Variants in TMEM14A observed in about 807,000 individuals in gnomAD.
TMEM14A encodes transmembrane protein 14A.
In TMEM14A, 8 loss-of-function variants were observed where a neutral mutation model predicts 11.6. The ratio of observed to expected loss-of-function variants is 0.69; its 90% CI spans 0.40 to 1.24. TMEM14A has a LOEUF of 1.24. Among genes scored for constraint, TMEM14A ranks in the 50% most tolerant of loss-of-function variants. The probability of loss-of-function intolerance (pLI) is 0.01; values close to 1 mark genes in which losing one functional copy is unlikely to be tolerated. For synonymous variants in TMEM14A, 34 were observed against 45.5 expected, an observed-to-expected ratio of 0.75 and a Z score of 1.02; for missense variants, 108 against 121.9, an observed-to-expected ratio of 0.89 and a Z score of 0.54.
chr6:52,680,918 TTGTG>T (rs1007437700), intron 2 of TMEM14A, among the ~76,000 whole-genome samples: 1 of 146,666 alleles, frequency 6.8e-6, no homozygotes, highest in Non-Finnish European at 1.5e-5. Flanking sequence ...GTTTGTGTGT[TTGTG>T]TGTGTGTGTG....
intron 2 of TMEM14A, among the ~76,000 whole-genome samples, chr6:52,679,781 C>G (rs1407335321): frequency 6.6e-6 from 1 of 151,372 alleles, no homozygotes; most frequent in Non-Finnish European, 1.5e-5. Flanking sequence ...TGAGCCTGCC[C>G]CTGCTGTTTG....
At chr6:52,681,704 C>G in intron 2 of TMEM14A, 109 bp from the exon 3 acceptor site, 1 of 894,392 alleles carries the variant, frequency 1.1e-6, no homozygotes, top group African/African-American at 1.7e-5. Context: ...AGTTACTGTG[C>G]CCAAGTAGGA....
intron 1 of TMEM14A, among the ~76,000 whole-genome samples, chr6:52,675,038 C>T (rs968881123): frequency 6.6e-6 from 1 of 151,914 alleles, no homozygotes; most frequent in African/African-American, 2.4e-5. Flanking sequence ...CACCATGCCA[C>T]GTCCGGGTAA....
intron 4 of TMEM14A, among the ~76,000 whole-genome samples, chr6:52,685,738 A>C (rs540523289): frequency 6.6e-6 from 1 of 152,270 alleles, no homozygotes; most frequent in South Asian, 2.1e-4. Flanking sequence ...CTAGCTTCTG[A>C]AAGTTTGTTT....
chr6:52,676,919 A>G (rs1225711767), intron 1 of TMEM14A, among the ~76,000 whole-genome samples, 168 bp from the exon 2 acceptor site: 3 of 152,178 alleles, frequency 2.0e-5, no homozygotes, highest in African/African-American at 7.2e-5. Context: ...CACCCCCGTG[A>G]TCCAGTCACC....
chr6:52,675,341 A>G (rs774993873), intron 1 of TMEM14A, among the ~76,000 whole-genome samples: 6 of 152,378 alleles, frequency 3.9e-5, no homozygotes, highest in South Asian at 2.1e-4. Context: ...CTGTGGAAGA[A>G]ATATAGACGT....
rs758417981 is a variant in TMEM14A, at chr6:52,680,691, G to GTGTGTA, written c.71-1121_71-1120insGTGTAT. Among the ~76,000 whole-genome samples, 2 of 35,318 alleles carry GTGTGTA rather than the reference G, an allele frequency of 5.7e-5. 1 individual carries two copies. The highest frequency in any genetic ancestry group is 1.4e-4 in the Non-Finnish European group (2 of 14,632). 23.2% of individuals were successfully genotyped at this position (35,318 alleles called of 152,430 possible). On this transcript the variant is annotated intron_variant, in intron 2 of 4. Coordinates refer to ENST00000211314, the MANE Select transcript of TMEM14A (RefSeq NM_014051.4). Reference sequence around the variant, plus strand: ...TGTGTATATATATATATACATATATGTATATATATATATACACATATATAT... The same window carrying GTGTGTA: ...TGTGTATATATATATATACATATATGTGTGTATATATATATATATACACATATATAT...
chr6:52,677,264 C>T, intron 2 of TMEM14A, 92 bp downstream of exon 2: 1 of 1,361,910 alleles, frequency 7.3e-7, no homozygotes, highest in Non-Finnish European at 1.0e-6. Context: ...GGATGAGAAG[C>T]TAAAGATGCC....
chr6:52,680,704 T>TATATATATATATATATATACATACAC (rs371102796), intron 2 of TMEM14A, among the ~76,000 whole-genome samples: 1 of 51,102 alleles, frequency 2.0e-5, no homozygotes, highest in Non-Finnish European at 4.4e-5. Flanking sequence ...TATATATATA[T>TATATATATATATATATATACATACAC]ACACATATAT....
intron 4 of TMEM14A, among the ~76,000 whole-genome samples, 194 bp downstream of exon 4, chr6:52,684,359 C>T (rs112894222): frequency 7.2e-5 from 11 of 152,274 alleles, no homozygotes; most frequent in Non-Finnish European, 8.8e-5. Context: ...TTATTGGATA[C>T]GCATAGTGTT....
chr6:52,680,128 G>C (rs908951977), intron 2 of TMEM14A, among the ~76,000 whole-genome samples: 1 of 151,846 alleles, frequency 6.6e-6, no homozygotes, highest in Non-Finnish European at 1.5e-5. Context: ...AACAGCAATC[G>C]CTCACAAGTG....
At chr6:52,683,936 T>G in intron 3 of TMEM14A, 142 bp from the exon 4 acceptor site, 4 of 785,266 alleles carry the variant, frequency 5.1e-6, no homozygotes, top group Non-Finnish European at 8.0e-6. Context: ...AATAGAGCAC[T>G]TTATCTTTTC....
At chr6:52,682,367 G>C (rs1395402382) in intron 3 of TMEM14A, among the ~76,000 whole-genome samples, 1 of 152,178 alleles carries the variant, frequency 6.6e-6, no homozygotes, top group Non-Finnish European at 1.5e-5. Flanking sequence ...CCCTTGTTAA[G>C]TTTAATGGGA....
At chr6:52,674,026 A>G (rs1280892689) in intron 1 of TMEM14A, among the ~76,000 whole-genome samples, 1 of 152,338 alleles carries the variant, frequency 6.6e-6, no homozygotes, top group Middle Eastern at 3.4e-3. Context: ...TTACAGTATT[A>G]AATCATTTAA....
chr6:52,680,156 A>G (rs1419867676), intron 2 of TMEM14A, among the ~76,000 whole-genome samples: 3 of 152,002 alleles, frequency 2.0e-5, no homozygotes, highest in Non-Finnish European at 2.9e-5. Flanking sequence ...GCAGACTGAC[A>G]TTCAATCCAT....
intron 1 of TMEM14A, among the ~76,000 whole-genome samples, chr6:52,675,068 A>G (rs1215959538): frequency 6.6e-6 from 1 of 151,988 alleles, no homozygotes; most frequent in Non-Finnish European, 1.5e-5. Flanking sequence ...TATTTAGTAG[A>G]GAAGGGGTTT....
intron 2 of TMEM14A, among the ~76,000 whole-genome samples, chr6:52,679,033 T>C (rs1769314274): frequency 6.6e-6 from 1 of 152,166 alleles, no homozygotes; most frequent in Admixed American, 6.5e-5. Context: ...GAGAATAATC[T>C]TGGGTCGGTG....
In TMEM14A at chr6:52,674,086, A is replaced by G. The variant is rs773275333; in HGVS notation, c.-17+2841A>G. Among the ~76,000 whole-genome samples, 20 of 152,256 alleles carry G rather than the reference A, an allele frequency of 1.3e-4. 1 individual carries two copies. Among genetic ancestry groups the G allele is most frequent in the Non-Finnish European group, 2.8e-4 (19 of 68,048 alleles). ...GATATTTTTGTTATCCCTATTTTAA[A>G]GATGGAGAAACTGAGTTATTGAGGT... On this transcript the variant is annotated intron_variant, in intron 1 of 4. Coordinates refer to ENST00000211314, the MANE Select transcript of TMEM14A (RefSeq NM_014051.4).
At chr6:52,685,365 G>A (rs746916741) in intron 4 of TMEM14A, among the ~76,000 whole-genome samples, 6 of 152,084 alleles carry the variant, frequency 3.9e-5, no homozygotes, top group East Asian at 1.9e-4. Context: ...AGGCTTTGGC[G>A]GGTGGATCAC....
Sources: gnomAD v4.1 joint callset for allele counts (sites outside exome capture counted in the v4.1 genomes callset) on GRCh38, gnomAD v4.1.1 for gene constraint, MANE v1.5 for transcripts, NCBI Gene and HGNC (gene_info 2026-07-23, HGNC 2026-07-21) for gene names.